Variants in MYO9B observed in about 807,000 individuals in gnomAD.
MYO9B encodes the protein unconventional myosin-IXb.
In MYO9B, 71 loss-of-function variants were observed where a neutral mutation model predicts 229.5. The ratio of observed to expected loss-of-function variants is 0.31; its 90% CI spans 0.26 to 0.38. The LOEUF (loss-of-function observed/expected upper bound fraction) is 0.38, where lower values mean the gene tolerates loss of function less well. Among genes scored for constraint, MYO9B ranks in the 10% least tolerant of loss-of-function variants. The pLI is 1.00. For missense variants in MYO9B, 2,255 were observed against 2,920.5 expected (o/e 0.77, Z 5.25); for synonymous variants, 1,185 against 1,235.8 (o/e 0.96, Z 0.86).
chr19:17,205,179 C>A, intron 30 of MYO9B, 84 bp from the exon 31 acceptor site: 2 of 1,029,724 alleles, frequency 1.9e-6, no homozygotes, highest in Non-Finnish European at 2.9e-6. Context: ...AGGCAATTGG[C>A]GGCCCCCGGC....
chr19:17,077,428 G>A (rs1389405779), intron 1 of MYO9B, among the ~76,000 whole-genome samples: 1 of 152,222 alleles, frequency 6.6e-6, no homozygotes, highest in East Asian at 1.9e-4. Flanking sequence ...AGGACATGCA[G>A]TGACAGCCCA....
intron 20 of MYO9B, among the ~76,000 whole-genome samples, chr19:17,192,488 G>A (rs1229862471): frequency 2.0e-5 from 3 of 151,906 alleles, no homozygotes; most frequent in Admixed American, 1.3e-4. Flanking sequence ...CCAGCTACTC[G>A]GGAGGCTGAG....
At chr19:17,089,720 G>A (rs2057618617) in intron 1 of MYO9B, among the ~76,000 whole-genome samples, 1 of 152,120 alleles carries the variant, frequency 6.6e-6, no homozygotes, top group African/African-American at 2.4e-5. Context: ...GCATATACTG[G>A]CCTGGTTTTA....
chr19:17,183,545 C>T (rs111865694), intron 15 of MYO9B, among the ~76,000 whole-genome samples: 1 of 152,320 alleles, frequency 6.6e-6, no homozygotes, highest in East Asian at 1.9e-4. Context: ...CTCAGACATC[C>T]GAATGGCCCC....
At chr19:17,082,621 C>T (rs1437178869) in intron 1 of MYO9B, among the ~76,000 whole-genome samples, 1 of 152,040 alleles carries the variant, frequency 6.6e-6, no homozygotes, top group Admixed American at 6.6e-5. Context: ...GGTGAATGTG[C>T]CATGGGGGGC....
Position 17,211,955 on chromosome 19 carries a change from T to TG in MYO9B, c.6121dup (p.Ala2041GlyfsTer159). 1 of 1,057,124 alleles carries TG rather than the reference T, an allele frequency of 9.5e-7. No homozygotes were observed. Among genetic ancestry groups the TG allele is most frequent in the Admixed American group, 2.7e-5 (1 of 36,452 alleles). 65.5% of individuals were successfully genotyped at this position (1,057,124 alleles called of 1,614,324 possible). A position where few individuals can be genotyped will look rare whatever the true frequency, so the allele number is the denominator to read the frequency against. On this transcript the variant is annotated frameshift_variant, in exon 40 of 40. Coordinates refer to ENST00000682292, the MANE Select transcript of MYO9B (RefSeq NM_004145.4). LOFTEE classifies it low-confidence loss of function (END_TRUNC). ...CCCACCCCGAGCCCCCTCCCCACCG[T>TG]GGCCGCCCCTCCACGACGAAGGCCG...
Position 17,152,186 on chromosome 19 carries a change from C to A in MYO9B, c.936-458C>A, listed in dbSNP as rs371868234. 3.8e-3 allele frequency among the ~76,000 whole-genome samples: 484 copies of A among 127,384 alleles called. 11 individuals are homozygous for A. The highest frequency in any genetic ancestry group is 5.4e-3 in the African/African-American group (182 of 33,534). The allele number at this position is 127,384 out of a possible 152,430, so 83.6% of individuals were successfully genotyped here. ...TGGGCAACAGAGTAAGACTCCATCA[C>A]AAAAAAAAAAAAAAACCCACAAGGA... On this transcript the variant is annotated intron_variant, in intron 3 of 39. Coordinates refer to ENST00000682292, the MANE Select transcript of MYO9B (RefSeq NM_004145.4).
At chr19:17,121,712 G>A (rs1237086219) in intron 2 of MYO9B, among the ~76,000 whole-genome samples, 1 of 152,184 alleles carries the variant, frequency 6.6e-6, no homozygotes, top group Non-Finnish European at 1.5e-5. Flanking sequence ...CTGGAAGGGC[G>A]CGGTGGCTCA....
intron 2 of MYO9B, 35 bp downstream of exon 2, chr19:17,102,592 G>A (rs1450796596): frequency 2.0e-6 from 3 of 1,508,164 alleles, no homozygotes; most frequent in Non-Finnish European, 2.7e-6. Flanking sequence ...GTGGGAGGGG[G>A]CATTTGTTTG....
At chr19:17,079,584 G>A (rs73518822) in intron 1 of MYO9B, among the ~76,000 whole-genome samples, 3,565 of 152,154 alleles carry the variant, frequency 0.023, 157 homozygotes, top group African/African-American at 0.082. Context: ...CCTTTCGCCC[G>A]CCCGTTCCCA....
At chr19:17,148,612 C>T (rs975579041) in intron 3 of MYO9B, among the ~76,000 whole-genome samples, 29 of 152,140 alleles carry the variant, frequency 1.9e-4, no homozygotes, top group Admixed American at 6.5e-5. Context: ...GAGACGGAAT[C>T]TCACCCTGTC....
At position 17,159,452 on chromosome 19, in the gene MYO9B, G is replaced by A. The variant is rs1244836942; in HGVS notation, c.1387G>A (p.Asp463Asn). The change falls in exon 8 of 40, where the codon GAC becomes AAC. Residue 463 changes from aspartate (D) to asparagine (N), a missense_variant. Physicochemically the swap from Asp to Asn is conservative, Grantham distance 23. Around this residue, in one of 7 missense-constraint regions of MYO9B, gnomAD observed 220 missense variants for 404.5 expected, o/e 0.54. Coordinates refer to ENST00000682292, the MANE Select transcript of MYO9B (RefSeq NM_004145.4). ...LTKRKTVTVN[D>N]KLILPYSLSE... ...CAAAAGAAAAACGGTGACCGTCAACGACAAGCTTATCCTTCCCTACAGCCT... is the reference window on the plus strand; with the variant it reads ...CAAAAGAAAAACGGTGACCGTCAACAACAAGCTTATCCTTCCCTACAGCCT... The A allele has an allele frequency of 1.2e-6, 2 of 1,610,454 alleles. No homozygotes were observed. Among genetic ancestry groups the A allele is most frequent in the East Asian group, 2.2e-5 (1 of 44,792 alleles).
chr19:17,085,460 T>C (rs751300855), intron 1 of MYO9B, among the ~76,000 whole-genome samples: 1 of 151,400 alleles, frequency 6.6e-6, no homozygotes, highest in African/African-American at 2.4e-5. Context: ...GGGAATAAAC[T>C]TGGGGGGTCT....
Position 17,195,481 on chromosome 19 carries a change from C to T in MYO9B, c.4046+8C>T. On this transcript the variant is annotated splice_region_variant and intron_variant, in intron 22 of 39. Coordinates refer to ENST00000682292, the MANE Select transcript of MYO9B (RefSeq NM_004145.4). The surrounding 1 kb of genome is among the most constrained non-coding windows in gnomAD (Gnocchi z 4.5). ...CGCCCTCACGCCCACAGAGTAAGCCCCACACCCTCTTTTGTCTGAGCACCA... is the reference window on the plus strand; with the variant it reads ...CGCCCTCACGCCCACAGAGTAAGCCTCACACCCTCTTTTGTCTGAGCACCA... 6.3e-7 allele frequency: 1 copy of T among 1,584,904 alleles called. No homozygotes were observed. The highest frequency in any genetic ancestry group is 8.5e-7 in the Non-Finnish European group (1 of 1,172,256).
chr19:17,178,755 G>A (rs550872119), intron 14 of MYO9B, among the ~76,000 whole-genome samples: 25 of 152,120 alleles, frequency 1.6e-4, no homozygotes, highest in Admixed American at 1.3e-3. Flanking sequence ...TTCTCTGGCC[G>A]GGCGCAGTGG....
chr19:17,181,256 C>T (rs536975091), intron 15 of MYO9B, among the ~76,000 whole-genome samples: 9 of 152,356 alleles, frequency 5.9e-5, no homozygotes, highest in East Asian at 1.9e-4. Context: ...TCCCAGCACA[C>T]GGGGCAGCTT....
At chr19:17,136,356 A>G (rs2072269527) in intron 2 of MYO9B, among the ~76,000 whole-genome samples, 1 of 152,080 alleles carries the variant, frequency 6.6e-6, no homozygotes, top group Non-Finnish European at 1.5e-5. Flanking sequence ...TTCACTCCAA[A>G]TAACAACAAA....
At chr19:17,176,194 T>A (rs1450731617) in intron 14 of MYO9B, among the ~76,000 whole-genome samples, 1 of 152,072 alleles carries the variant, frequency 6.6e-6, no homozygotes, top group African/African-American at 2.4e-5. Flanking sequence ...CACACCCGGC[T>A]AATTTCTTTT....
At chr19:17,177,874 A>G (rs1182727525) in intron 14 of MYO9B, 1 of 152,600 alleles carries the variant, frequency 6.6e-6, no homozygotes, top group African/African-American at 2.4e-5. Flanking sequence ...ATTGCTTTCT[A>G]TGAAAGCAAG....
Sources: allele counts gnomAD v4.1 joint callset (sites outside exome capture counted in the v4.1 genomes callset), GRCh38; gene constraint gnomAD v4.1.1; regional missense constraint gnomAD v4.1.1; non-coding constraint Gnocchi (gnomAD v3.1); transcripts MANE v1.5; gene names NCBI Gene and HGNC (gene_info 2026-07-23, HGNC 2026-07-21).